The following PLXDC2 variants were observed in gnomAD, a reference collection of about 807,000 sequenced individuals.
PLXDC2 encodes plexin domain containing 2, also known as plexin domain-containing protein 2.
Under a neutral mutation model 68.9 loss-of-function variants are expected in PLXDC2, and 40 were observed. The observed-to-expected ratio is 0.58, with a 90% CI of 0.45 to 0.76. The LOEUF is 0.76. Ranked by LOEUF, PLXDC2 falls within the 30% of genes least tolerant of loss-of-function variation. PLXDC2 has a pLI of 0.00. For synonymous variants in PLXDC2, 243 were observed against 234.2 expected (o/e 1.04, Z -0.34); for missense variants, 644 against 661.9 (o/e 0.97, Z 0.30).
chr10:20,238,680 T>TATATATATATATATATAC (rs1384911096), intron 12 of PLXDC2, among the ~76,000 whole-genome samples: 1 of 137,252 alleles, frequency 7.3e-6, no homozygotes, highest in South Asian at 2.3e-4. Flanking sequence ...TATATATGTA[T>TATATATATATATATATAC]ATATATATAT....
At chr10:20,223,729 A>G (rs148694339) in intron 12 of PLXDC2, among the ~76,000 whole-genome samples, 64 of 152,328 alleles carry the variant, frequency 4.2e-4, no homozygotes, top group African/African-American at 1.5e-3. Context: ...TTTGAAAGTG[A>G]AATTTCCCTT....
At chr10:20,149,883 A>G (rs998544670) in intron 6 of PLXDC2, among the ~76,000 whole-genome samples, 2 of 152,142 alleles carry the variant, frequency 1.3e-5, no homozygotes, top group African/African-American at 4.8e-5. Flanking sequence ...ATTAACATAC[A>G]TATGTATGTG....
chr10:20,092,410 G>C, intron 4 of PLXDC2, among the ~76,000 whole-genome samples: 1 of 152,102 alleles, frequency 6.6e-6, no homozygotes, highest in East Asian at 1.9e-4. Flanking sequence ...ACTCTATACT[G>C]TTAGCATTGC....
chr10:19,973,328 A>ATATATATGTG (rs1415745702), intron 1 of PLXDC2, among the ~76,000 whole-genome samples: 1 of 136,428 alleles, frequency 7.3e-6, no homozygotes, highest in Non-Finnish European at 1.6e-5. Context: ...ATATGTATAC[A>ATATATATGTG]TATATATGTG....
intron 1 of PLXDC2, among the ~76,000 whole-genome samples, chr10:19,904,934 T>C (rs1833123738): frequency 6.6e-6 from 1 of 152,192 alleles, no homozygotes; most frequent in Non-Finnish European, 1.5e-5. Context: ...CCACTTCACC[T>C]AGTGTCATGT....
At chr10:19,944,605 T>C (rs190665602) in intron 1 of PLXDC2, among the ~76,000 whole-genome samples, 21 of 152,220 alleles carry the variant, frequency 1.4e-4, no homozygotes, top group Non-Finnish European at 4.4e-5. Context: ...AGAAGACTAA[T>C]GGGCAGAGAA....
intron 1 of PLXDC2, among the ~76,000 whole-genome samples, chr10:19,825,895 T>G (rs1390105166): frequency 6.6e-6 from 1 of 152,200 alleles, no homozygotes; most frequent in Non-Finnish European, 1.5e-5. Context: ...AAGGGCCCAC[T>G]CACCTTCCTG....
chr10:20,201,777 C>T (rs1319962159), intron 9 of PLXDC2, among the ~76,000 whole-genome samples: 4 of 152,016 alleles, frequency 2.6e-5, no homozygotes, highest in Admixed American at 6.6e-5. Context: ...AAGATTTCCT[C>T]TCAAAGGATA....
intron 6 of PLXDC2, among the ~76,000 whole-genome samples, chr10:20,163,332 A>T (rs560354592): frequency 6.6e-6 from 1 of 152,330 alleles, no homozygotes; most frequent in South Asian, 2.1e-4. Context: ...TGTCCATTTT[A>T]ACAAAATAGC....
chr10:20,253,473 C>T (rs879834340), intron 13 of PLXDC2, among the ~76,000 whole-genome samples: 1 of 151,920 alleles, frequency 6.6e-6, no homozygotes, highest in African/African-American at 2.4e-5. Context: ...TAAGTTATTT[C>T]CATAATAAAA....
chr10:20,017,225 G>A (rs1835228088), intron 2 of PLXDC2, among the ~76,000 whole-genome samples: 1 of 152,192 alleles, frequency 6.6e-6, no homozygotes, highest in Non-Finnish European at 1.5e-5. Flanking sequence ...GGCTTTGTCA[G>A]TAGGGAGCAG....
chr10:20,151,809 T>C (rs1834156314), intron 6 of PLXDC2, among the ~76,000 whole-genome samples: 1 of 152,100 alleles, frequency 6.6e-6, no homozygotes, highest in African/African-American at 2.4e-5. Flanking sequence ...CTTGCCAAAT[T>C]ATACATAGGG....
At chr10:20,256,689 C>G (rs77182510) in intron 13 of PLXDC2, among the ~76,000 whole-genome samples, 1 of 149,710 alleles carries the variant, frequency 6.7e-6, no homozygotes, top group Non-Finnish European at 1.5e-5. Flanking sequence ...TCAGTTTTTC[C>G]CTTGGTGTTG....
intron 6 of PLXDC2, among the ~76,000 whole-genome samples, chr10:20,156,493 T>G (rs1834219406): frequency 6.6e-6 from 1 of 152,198 alleles, no homozygotes. Flanking sequence ...ACTCAAAGTG[T>G]GCACCCTCCA....
intron 9 of PLXDC2, among the ~76,000 whole-genome samples, chr10:20,205,398 T>G (rs1437840064): frequency 6.6e-6 from 1 of 152,140 alleles, no homozygotes; most frequent in Non-Finnish European, 1.5e-5. Flanking sequence ...AGTTCACATT[T>G]TGTTGAAATC....
At chr10:19,897,037 C>A (rs1325402878) in intron 1 of PLXDC2, among the ~76,000 whole-genome samples, 1 of 152,150 alleles carries the variant, frequency 6.6e-6, no homozygotes, top group Non-Finnish European at 1.5e-5. Flanking sequence ...ACTGCAGTCC[C>A]CTGTCACCTA....
chr10:19,925,825 G>A (rs985136228), intron 1 of PLXDC2, among the ~76,000 whole-genome samples: 1 of 152,192 alleles, frequency 6.6e-6, no homozygotes, highest in Admixed American at 6.5e-5. Flanking sequence ...AGCATTCACC[G>A]AGTTGAGGTT....
At position 19,864,431 on chromosome 10, in the gene PLXDC2, A is replaced by G. The variant is rs148072235; in HGVS notation, c.112+47240A>G. Among the ~76,000 whole-genome samples, 125 of 152,332 alleles carry G rather than the reference A, an allele frequency of 8.2e-4. 3 individuals carry two copies. The East Asian group carries it at 0.024, about 29-fold the overall frequency. On this transcript the variant is annotated intron_variant, in intron 1 of 13. Transcript: ENST00000377252. Reference sequence around the variant, plus strand: ...TCTGAAACTATCACTTGGAAAGCCTATTTTGTCTCCTGATTTTGATTTTCG... The same window carrying G: ...TCTGAAACTATCACTTGGAAAGCCTGTTTTGTCTCCTGATTTTGATTTTCG...
At chr10:20,170,275 C>G (rs1261313578) in intron 7 of PLXDC2, among the ~76,000 whole-genome samples, 1 of 152,138 alleles carries the variant, frequency 6.6e-6, no homozygotes, top group Non-Finnish European at 1.5e-5. Context: ...ACTGCAACCT[C>G]CCCCTCCGGG....
Sources: allele counts gnomAD v4.1 joint callset (sites outside exome capture counted in the v4.1 genomes callset), GRCh38; gene constraint gnomAD v4.1.1; transcripts MANE v1.5; gene names NCBI Gene and HGNC (gene_info 2026-07-23, HGNC 2026-07-21).